SPATA9: variants seen among roughly 807,000 people sequenced by gnomAD.
SPATA9 encodes spermatogenesis associated 9, also known as spermatogenesis-associated protein 9.
In SPATA9, 27 loss-of-function variants were observed where a neutral mutation model predicts 25.5. The observed-to-expected ratio is 1.06, with a 90% CI of 0.78 to 1.46. The LOEUF (loss-of-function observed/expected upper bound fraction) is 1.46, where lower values mean the gene tolerates loss of function less well. Ranked by LOEUF, SPATA9 falls within the 40% of genes most tolerant of loss-of-function variation. SPATA9 has a pLI of 0.00. For synonymous variants in SPATA9, 102 were observed against 105.7 expected, an observed-to-expected ratio of 0.97 and a Z score of 0.21; for missense variants, 282 against 297.5, an observed-to-expected ratio of 0.95 and a Z score of 0.38.
chr5:95,706,045 A>G, the SPATA9 span, among the ~76,000 whole-genome samples: 2 of 152,196 alleles, frequency 1.3e-5, no homozygotes, highest in South Asian at 2.1e-4. Flanking sequence ...AAACACATCC[A>G]TGGACCTCCT....
intron 1 of SPATA9, among the ~76,000 whole-genome samples, chr5:95,695,725 T>G (rs1229522875): frequency 6.6e-6 from 1 of 152,178 alleles, no homozygotes. Context: ...GAGAAATATA[T>G]GAAATATTTG....
chr5:95,700,563 G>T (rs762698364), upstream of SPATA9, among the ~76,000 whole-genome samples: 26 of 152,060 alleles, frequency 1.7e-4, no homozygotes, highest in Non-Finnish European at 2.2e-4. Flanking sequence ...CTCCCAAAGC[G>T]CTGGGATTAC....
chr5:95,730,501 T>G, the SPATA9 span, among the ~76,000 whole-genome samples: 2 of 152,204 alleles, frequency 1.3e-5, no homozygotes, highest in Non-Finnish European at 2.9e-5. Context: ...AGTGCATTAT[T>G]ATGAAAGAAT....
the SPATA9 span, among the ~76,000 whole-genome samples, chr5:95,711,965 G>A: frequency 1.3e-5 from 2 of 152,186 alleles, no homozygotes; most frequent in Non-Finnish European, 2.9e-5. Flanking sequence ...CTACTTTACA[G>A]AGTGTCCGGA....
At chr5:95,665,860 T>G (rs1213055655) in intron 3 of SPATA9, among the ~76,000 whole-genome samples, 2 of 152,106 alleles carry the variant, frequency 1.3e-5, no homozygotes. Flanking sequence ...TCCCAGCTAC[T>G]TGGGAGGCTG....
intron 3 of SPATA9, among the ~76,000 whole-genome samples, chr5:95,672,874 G>A (rs183317544): frequency 7.2e-5 from 11 of 152,314 alleles, no homozygotes; most frequent in African/African-American, 2.6e-4. Context: ...TGAGTGTTGG[G>A]AGATAAGTCT....
chr5:95,692,320 G>A (rs1753915179), intron 1 of SPATA9, among the ~76,000 whole-genome samples: 1 of 152,018 alleles, frequency 6.6e-6, no homozygotes, highest in African/African-American at 2.4e-5. Context: ...ATTTGGTCCT[G>A]ATATCTTTTT....
chr5:95,683,011 G>A (rs984584680), upstream of SPATA9: 11 of 1,290,668 alleles, frequency 8.5e-6, no homozygotes, highest in Non-Finnish European at 9.8e-6. Flanking sequence ...CTTTGTTACT[G>A]TACAATAGGC....
intron 4 of SPATA9, among the ~76,000 whole-genome samples, chr5:95,662,722 A>G (rs927374093): frequency 2.0e-5 from 3 of 152,266 alleles, no homozygotes; most frequent in African/African-American, 4.8e-5. Context: ...ACATCTCTCA[A>G]TAGAAAAGCA....
At chr5:95,726,622 C>T in the SPATA9 span, among the ~76,000 whole-genome samples, 1 of 152,174 alleles carries the variant, frequency 6.6e-6, no homozygotes, top group Admixed American at 6.5e-5. Context: ...GATTAGTCGT[C>T]GGTTTTTTAC....
chr5:95,731,501 C>T, the SPATA9 span: 4 of 1,247,230 alleles, frequency 3.2e-6, no homozygotes, highest in Non-Finnish European at 4.0e-6. Flanking sequence ...TGGTCCCCGG[C>T]TCGCTCGCTG....
chr5:95,703,847 T>C, the SPATA9 span, among the ~76,000 whole-genome samples: 2 of 152,208 alleles, frequency 1.3e-5, no homozygotes, highest in East Asian at 3.9e-4. Flanking sequence ...TCATCAATTA[T>C]TCACATATTG....
chr5:95,673,752 C>CTT (rs749425599), intron 3 of SPATA9, among the ~76,000 whole-genome samples: 145 of 141,048 alleles, frequency 1.0e-3, no homozygotes, highest in African/African-American at 3.5e-3. Context: ...TTCTTTTTTT[C>CTT]TTTTTTTTTT....
downstream of SPATA9, chr5:95,657,940 A>ATT (rs1750864159): frequency 7.5e-5 from 9 of 120,322 alleles, 1 homozygote; most frequent in African/African-American, 2.9e-4. Flanking sequence ...TCAGGCAAAA[A>ATT]CTAGCCCTGG....
In SPATA9 at chr5:95,660,114, A is replaced by G. The variant is rs147967895; in HGVS notation, c.475-1201T>C. Reference sequence around the variant, plus strand: ...AGTAGCTTACAAACAATAGAAATTTATTTCTCACAGTTCTGGAGAGTGGGA... The same window carrying G: ...AGTAGCTTACAAACAATAGAAATTTGTTTCTCACAGTTCTGGAGAGTGGGA... On this transcript the variant is annotated intron_variant, in intron 4 of 4. Coordinates refer to ENST00000274432, the MANE Select transcript of SPATA9 (RefSeq NM_031952.4). Among the ~76,000 whole-genome samples the G allele has an allele frequency of 2.1e-3, 312 of 152,168 alleles. 2 individuals are homozygous for G. Among genetic ancestry groups the G allele is most frequent in the Middle Eastern group, 3.4e-3 (1 of 294 alleles).
At chr5:95,664,160 C>T in intron 3 of SPATA9, 112 bp from the exon 4 acceptor site, 1 of 536,332 alleles carries the variant, frequency 1.9e-6, no homozygotes, top group South Asian at 5.3e-5. Context: ...AGAAAGTCAT[C>T]TACTTTAGAG....
intron 1 of SPATA9, among the ~76,000 whole-genome samples, chr5:95,697,034 G>T (rs1754040231): frequency 6.6e-6 from 1 of 152,004 alleles, no homozygotes; most frequent in South Asian, 2.1e-4. Context: ...GAATAATATT[G>T]GTTCTCTCAA....
chr5:95,652,838 G>T, downstream of SPATA9: 1 of 378,648 alleles, frequency 2.6e-6, no homozygotes, highest in Non-Finnish European at 4.7e-6. Flanking sequence ...CCTTTTTCAT[G>T]GACCCCTAGC....
upstream of SPATA9, among the ~76,000 whole-genome samples, chr5:95,702,584 A>T (rs768471979): frequency 1.3e-4 from 20 of 152,200 alleles, no homozygotes; most frequent in Non-Finnish European, 2.5e-4. Context: ...TCTTTATTTA[A>T]ATAGTCAGAG....
Sources: gnomAD v4.1 joint callset for allele counts (sites outside exome capture counted in the v4.1 genomes callset) on GRCh38, gnomAD v4.1.1 for gene constraint, MANE v1.5 for transcripts, NCBI Gene and HGNC (gene_info 2026-07-23, HGNC 2026-07-21) for gene names.